WDPCP: variants seen among roughly 807,000 people sequenced by gnomAD.
WDPCP encodes WD repeat containing planar cell polarity effector.
A neutral mutation model predicts 93.1 loss-of-function variants in WDPCP; 71 were observed. The ratio of observed to expected loss-of-function variants is 0.76; its 90% CI spans 0.63 to 0.93. WDPCP has a LOEUF of 0.93. WDPCP is among the 40% of genes least tolerant of loss of function. The pLI is 0.00. For missense variants in WDPCP, 844 were observed against 887.4 expected, an observed-to-expected ratio of 0.95 and a Z score of 0.62; for synonymous variants, 315 against 315.0, an observed-to-expected ratio of 1.00 and a Z score of 0.00.
chr2:63,708,354 T>C (rs1240156228), intron 2 of WDPCP, among the ~76,000 whole-genome samples: 3 of 152,214 alleles, frequency 2.0e-5, no homozygotes, highest in Non-Finnish European at 4.4e-5. Context: ...GCCTCGCTGC[T>C]GCCTTGCAGT....
chr2:63,172,464 C>T (rs941161926), intron 15 of WDPCP, among the ~76,000 whole-genome samples: 1 of 152,108 alleles, frequency 6.6e-6, no homozygotes, highest in Non-Finnish European at 1.5e-5. Flanking sequence ...GCCATGATCG[C>T]ACCACTGCAT....
At chr2:63,484,728 G>A (rs1015656565) in intron 5 of WDPCP, 65 bp from the exon 6 acceptor site, 20 of 1,597,376 alleles carry the variant, frequency 1.3e-5, no homozygotes, top group Non-Finnish European at 1.6e-5. Context: ...CAGTTAAAGT[G>A]CCTCTGATTT....
upstream of WDPCP, among the ~76,000 whole-genome samples, chr2:63,828,538 T>C (rs1384923732): frequency 6.6e-6 from 1 of 152,154 alleles, no homozygotes; most frequent in African/African-American, 2.4e-5. Context: ...GCTCAAACAT[T>C]TGTTGACTTA....
chr2:63,821,829 A>T (rs1671023033), intron 1 of WDPCP, among the ~76,000 whole-genome samples: 1 of 152,218 alleles, frequency 6.6e-6, no homozygotes. Flanking sequence ...GAGGATATCA[A>T]AGGATTTCAG....
intron 10 of WDPCP, among the ~76,000 whole-genome samples, chr2:63,389,040 T>C (rs1483337278): frequency 6.6e-6 from 1 of 151,888 alleles, no homozygotes; most frequent in East Asian, 1.9e-4. Context: ...GTTCAAGAAA[T>C]ACAGAACACA....
chr2:63,706,045 T>G (rs1669146380), intron 2 of WDPCP, among the ~76,000 whole-genome samples: 1 of 152,212 alleles, frequency 6.6e-6, no homozygotes, highest in Non-Finnish European at 1.5e-5. Context: ...CCTTTACCAT[T>G]ATGTAATGGC....
intron 12 of WDPCP, among the ~76,000 whole-genome samples, chr2:63,323,208 CT>C (rs1558468430): frequency 6.6e-6 from 1 of 152,224 alleles, no homozygotes; most frequent in African/African-American, 2.4e-5. Flanking sequence ...CCATTGCCCC[CT>C]GGGTCCTAAC....
intron 13 of WDPCP, among the ~76,000 whole-genome samples, chr2:63,296,381 G>A (rs1431405482): frequency 1.3e-5 from 2 of 152,070 alleles, no homozygotes; most frequent in Non-Finnish European, 2.9e-5. Context: ...CTTAAAACAG[G>A]AACAAGACAA....
intron 3 of WDPCP, among the ~76,000 whole-genome samples, chr2:63,608,360 A>G (rs1165445290): frequency 3.3e-5 from 5 of 152,136 alleles, no homozygotes; most frequent in African/African-American, 1.2e-4. Flanking sequence ...TTATTACTAG[A>G]AAAATAGTGG....
chr2:63,481,718 A>G (rs1400182183), intron 6 of WDPCP, among the ~76,000 whole-genome samples: 1 of 151,824 alleles, frequency 6.6e-6, no homozygotes, highest in Admixed American at 6.6e-5. Context: ...AGAATGATAC[A>G]ATGGACTTTG....
chr2:63,701,688 G>C (rs1669050933), intron 2 of WDPCP, among the ~76,000 whole-genome samples: 1 of 152,176 alleles, frequency 6.6e-6, no homozygotes, highest in African/African-American at 2.4e-5. Flanking sequence ...ATGAAATCCT[G>C]TCACATGCAG....
At chr2:63,192,463 A>G (rs1371016150) in intron 14 of WDPCP, among the ~76,000 whole-genome samples, 4 of 152,184 alleles carry the variant, frequency 2.6e-5, no homozygotes, top group Non-Finnish European at 5.9e-5. Flanking sequence ...AATAATTGCC[A>G]CCTTTATTCA....
At chr2:63,517,713 CCTTCTAAGT>C (rs1267334256) in intron 1 of WDPCP, among the ~76,000 whole-genome samples, 1 of 152,000 alleles carries the variant, frequency 6.6e-6, no homozygotes, top group Non-Finnish European at 1.5e-5. Context: ...ACAGGATGGC[CCTTCTAAGT>C]CTCAACTTCC....
chr2:63,530,435 T>C (rs1310410682), intron 1 of WDPCP, among the ~76,000 whole-genome samples: 4 of 152,354 alleles, frequency 2.6e-5, no homozygotes, highest in African/African-American at 9.6e-5. Context: ...AACATCTTTA[T>C]TTCAGGGCAG....
chr2:63,527,686 G>T (rs917689471), intron 1 of WDPCP, among the ~76,000 whole-genome samples: 3 of 152,064 alleles, frequency 2.0e-5, no homozygotes, highest in African/African-American at 7.3e-5. Flanking sequence ...ACATACGTGT[G>T]CATGTGTCTT....
At chr2:63,273,730 A>G (rs1559270679) in intron 13 of WDPCP, among the ~76,000 whole-genome samples, 1 of 152,128 alleles carries the variant, frequency 6.6e-6, no homozygotes, top group Non-Finnish European at 1.5e-5. Context: ...GAGACAAGGA[A>G]GGTGATTATG....
chr2:63,806,693 C>T (rs532251445), intron 2 of WDPCP, among the ~76,000 whole-genome samples: 19 of 152,198 alleles, frequency 1.2e-4, no homozygotes, highest in Admixed American at 1.1e-3. Context: ...AGACCCACCC[C>T]GAGGTGCGCA....
chr2:63,661,433 G>C (rs140912319), intron 2 of WDPCP, among the ~76,000 whole-genome samples: 1 of 152,090 alleles, frequency 6.6e-6, no homozygotes, highest in Non-Finnish European at 1.5e-5. Context: ...CTTTTTGAAG[G>C]CTAGGACCAC....
rs191338387 is a variant in WDPCP at position 63,279,798 on chromosome 2, T to G, written c.1813-20389A>C. Among the ~76,000 whole-genome samples the G allele has an allele frequency of 1.2e-3, 179 of 152,194 alleles. 2 individuals are homozygous for G. The highest frequency in any genetic ancestry group is 2.4e-3 in the Admixed American group (36 of 15,290). ...AAATTAATGCACACAAATCAGTAGC[T>G]CTGCTATATACTAACAGTGACCAAG... On this transcript the variant is annotated intron_variant, in intron 13 of 17. Coordinates refer to ENST00000272321, the MANE Select transcript of WDPCP (RefSeq NM_015910.7).
Sources: gnomAD v4.1 joint callset for allele counts (sites outside exome capture counted in the v4.1 genomes callset) on GRCh38, gnomAD v4.1.1 for gene constraint, MANE v1.5 for transcripts, NCBI Gene and HGNC (gene_info 2026-07-23, HGNC 2026-07-21) for gene names.